Variants in BLOC1S5 observed in about 807,000 individuals in gnomAD.
BLOC1S5 encodes biogenesis of lysosome-related organelles complex 1 subunit 5.
Under a neutral mutation model 24.3 loss-of-function variants are expected in BLOC1S5, and 27 were observed. The ratio of observed to expected loss-of-function variants is 1.11; its 90% CI spans 0.82 to 1.53. BLOC1S5 has a LOEUF of 1.53. BLOC1S5 is among the 40% of genes most tolerant of loss of function. The probability of loss-of-function intolerance (pLI) is 0.00; values close to 1 mark genes in which losing one functional copy is unlikely to be tolerated. For missense variants in BLOC1S5, 239 were observed against 229.4 expected, an observed-to-expected ratio of 1.04 and a Z score of -0.27; for synonymous variants, 84 against 74.5, an observed-to-expected ratio of 1.13 and a Z score of -0.66.
At chr6:8,036,018 G>C (rs146930077) in intron 3 of BLOC1S5, among the ~76,000 whole-genome samples, 1 of 152,176 alleles carries the variant, frequency 6.6e-6, no homozygotes, top group South Asian at 2.1e-4. Flanking sequence ...AAAAGATAGA[G>C]ATCATTATCA....
chr6:8,024,234 A>T (rs1763029864), intron 4 of BLOC1S5, among the ~76,000 whole-genome samples: 1 of 152,038 alleles, frequency 6.6e-6, no homozygotes, highest in Non-Finnish European at 1.5e-5. Flanking sequence ...TCTATAAGAA[A>T]TGTCCTTCAG....
chr6:8,022,568 A>AT (rs35289860), intron 4 of BLOC1S5, among the ~76,000 whole-genome samples: 43,089 of 122,434 alleles, frequency 0.35, 9,830 homozygotes, highest in East Asian at 0.64. Flanking sequence ...TTCAAACTCT[A>AT]TTTTTTTTTT....
intron 4 of BLOC1S5, among the ~76,000 whole-genome samples, chr6:8,023,792 T>C (rs1374227566): frequency 6.6e-6 from 1 of 152,154 alleles, no homozygotes; most frequent in African/African-American, 2.4e-5. Context: ...AATTAAACTT[T>C]ACCTTTATGA....
Position 8,015,341 on chromosome 6 carries a change from A to G in BLOC1S5, c.*308T>C. 3.8e-6 allele frequency: 1 copy of G among 264,304 alleles called. No individual in the cohort carries two copies. 16.4% of individuals were successfully genotyped at this position (264,304 alleles called of 1,614,324 possible). Reference sequence around the variant, plus strand: ...TTATCTTTCTAAGAAGTCTATACCTACAGTTCTCTGAGCTAATCAATGGAA... The same window carrying G: ...TTATCTTTCTAAGAAGTCTATACCTGCAGTTCTCTGAGCTAATCAATGGAA... On this transcript the variant is annotated 3_prime_UTR_variant, in exon 5 of 5. Coordinates refer to ENST00000397457, the MANE Select transcript of BLOC1S5 (RefSeq NM_201280.3).
At chr6:8,040,727 G>A (rs6915432) in intron 3 of BLOC1S5, among the ~76,000 whole-genome samples, 23,768 of 151,896 alleles carry the variant, frequency 0.16, 1,937 homozygotes, top group Admixed American at 0.19. Context: ...ATGGTGAGAC[G>A]CACCTGTAGT....
At chr6:8,047,199 C>CACACACACACACAG (rs796826479) in intron 2 of BLOC1S5, among the ~76,000 whole-genome samples, 5 of 112,626 alleles carry the variant, frequency 4.4e-5, no homozygotes, top group Non-Finnish European at 5.7e-5. Flanking sequence ...CACACACACA[C>CACACACACACACAG]AGTCAACAGT....
Position 8,015,810 on chromosome 6 carries a change from C to T in BLOC1S5, c.403G>A (p.Val135Ile). 4.3e-6 allele frequency: 7 copies of T among 1,611,002 alleles called. No individual in the cohort carries two copies. Among genetic ancestry groups the T allele is most frequent in the Non-Finnish European group, 5.9e-6 (7 of 1,179,276 alleles). The change falls in exon 5 of 5, where the codon GTA (valine) becomes ATA (isoleucine). Residue 135 changes from valine to isoleucine, a missense_variant. Transcript: ENST00000397457. ...ERKKIHSDHLVASEKQHMLQW... is the reference protein window; with the variant it reads ...ERKKIHSDHLIASEKQHMLQW... Reference sequence around the variant, plus strand: ...AGCATATGCTGTTTCTCACTAGCTACTAAGTGGTCACTATGAATCTGAGAA... The same window carrying T: ...AGCATATGCTGTTTCTCACTAGCTATTAAGTGGTCACTATGAATCTGAGAA...
intron 2 of BLOC1S5, among the ~76,000 whole-genome samples, chr6:8,041,487 T>A (rs1369951899): frequency 6.6e-6 from 1 of 151,382 alleles, no homozygotes; most frequent in Non-Finnish European, 1.5e-5. Context: ...TAATTTTTTG[T>A]GTTTTTAGTA....
At chr6:8,036,652 T>C (rs1246306450) in intron 3 of BLOC1S5, among the ~76,000 whole-genome samples, 1 of 152,000 alleles carries the variant, frequency 6.6e-6, no homozygotes, top group East Asian at 1.9e-4. Context: ...GAGGAGAGAA[T>C]ATCCCCAACT....
intron 4 of BLOC1S5, among the ~76,000 whole-genome samples, chr6:8,016,099 G>A (rs927926472): frequency 6.6e-6 from 1 of 152,234 alleles, no homozygotes; most frequent in African/African-American, 2.4e-5. Context: ...GCCGAAGCCG[G>A]TGGATCACCT....
chr6:8,033,371 A>C (rs1224799693), intron 3 of BLOC1S5, among the ~76,000 whole-genome samples: 1 of 152,226 alleles, frequency 6.6e-6, no homozygotes, highest in Non-Finnish European at 1.5e-5. Flanking sequence ...AAAACAAGCA[A>C]TATGGAAAGG....
At chr6:8,030,059 T>C (rs966568300) in intron 3 of BLOC1S5, among the ~76,000 whole-genome samples, 2 of 152,306 alleles carry the variant, frequency 1.3e-5, no homozygotes, top group East Asian at 1.9e-4. Flanking sequence ...TGGCAATATA[T>C]GAACTCTCTG....
chr6:8,047,030 C>T (rs549059076), intron 2 of BLOC1S5, among the ~76,000 whole-genome samples: 10 of 151,968 alleles, frequency 6.6e-5, no homozygotes, highest in Non-Finnish European at 1.2e-4. Context: ...GCAATACTCC[C>T]ACCCTGGACT....
Position 8,031,163 on chromosome 6 carries a change from C to G in BLOC1S5, c.326-4738G>C, listed in dbSNP as rs183514589. On this transcript the variant is annotated intron_variant, in intron 3 of 4. Transcript: ENST00000397457. ...ACAACAGAAAGAAATAAAGGGCATC[C>G]AAATCGGTAAAGAGGAAGTAAAATT... Among the ~76,000 whole-genome samples, 9 of 152,232 alleles carry G rather than the reference C, an allele frequency of 5.9e-5. 1 individual carries two copies. Among genetic ancestry groups the G allele is most frequent in the African/African-American group, 2.2e-4 (9 of 41,538 alleles).
intron 3 of BLOC1S5, among the ~76,000 whole-genome samples, chr6:8,030,744 C>T (rs910009075): frequency 4.0e-5 from 6 of 151,316 alleles, no homozygotes; most frequent in Admixed American, 6.6e-5. Context: ...TTGTGGCAGG[C>T]GCCTGTAATC....
At chr6:8,023,306 A>G (rs555788775) in intron 4 of BLOC1S5, among the ~76,000 whole-genome samples, 1 of 152,344 alleles carries the variant, frequency 6.6e-6, no homozygotes, top group East Asian at 1.9e-4. Flanking sequence ...TGTGGGAAAT[A>G]TGATTTGTAT....
rs1470289414 is a variant in BLOC1S5 at position 8,064,311 on chromosome 6, C to T, written c.66G>A (p.Lys22=). ...AGCCCGCAGTCCCCAGGGAGTCCCT[C>T]TTCTTGCTGCCACCGCCCGGGGCGG... ...CEAAPGGGSK[K]RDSLGTAGSA... The change falls in exon 1 of 5, where the codon AAG becomes AAA. Residue 22 remains lysine (K), a synonymous_variant. Coordinates refer to ENST00000397457, the MANE Select transcript of BLOC1S5 (RefSeq NM_201280.3). The T allele has an allele frequency of 3.2e-5, 52 of 1,613,756 alleles. No homozygotes were observed. The highest frequency in any genetic ancestry group is 4.4e-5 in the Non-Finnish European group (52 of 1,179,882).
At chr6:8,042,247 TCTAA>T (rs1413707264) in intron 2 of BLOC1S5, among the ~76,000 whole-genome samples, 4 of 152,226 alleles carry the variant, frequency 2.6e-5, no homozygotes, top group Admixed American at 6.5e-5. Flanking sequence ...ATTTTGTCAT[TCTAA>T]CTATCATATA....
At chr6:8,040,085 G>A (rs74384854) in intron 3 of BLOC1S5, among the ~76,000 whole-genome samples, 2 of 152,156 alleles carry the variant, frequency 1.3e-5, no homozygotes, top group Admixed American at 6.5e-5. Flanking sequence ...AATAAAGGCA[G>A]ACTTTTCTTA....
Sources: gnomAD v4.1 joint callset for allele counts (sites outside exome capture counted in the v4.1 genomes callset) on GRCh38, gnomAD v4.1.1 for gene constraint, MANE v1.5 for transcripts, NCBI Gene and HGNC (gene_info 2026-07-23, HGNC 2026-07-21) for gene names.